The following SLC1A2 variants were observed in gnomAD, a reference collection of about 807,000 sequenced individuals.
SLC1A2 encodes excitatory amino acid transporter 2.
SLC1A2 carries 15 observed loss-of-function variants against 48.8 expected under a neutral mutation model. The observed-to-expected ratio is 0.31, with a 90% CI of 0.21 to 0.47. The LOEUF is 0.47. Among genes scored for constraint, SLC1A2 ranks in the 20% least tolerant of loss-of-function variants. The pLI, the probability that SLC1A2 is intolerant of heterozygous loss-of-function variation, is 0.99. For synonymous variants in SLC1A2, 279 were observed against 272.6 expected (o/e 1.02, Z -0.23); for missense variants, 502 against 730.5 (o/e 0.69, Z 3.61).
At chr11:35,355,031 A>G (rs1565269989) in intron 1 of SLC1A2, among the ~76,000 whole-genome samples, 1 of 152,248 alleles carries the variant, frequency 6.6e-6, no homozygotes, top group Non-Finnish European at 1.5e-5. Flanking sequence ...GGAAACTCCT[A>G]TAAATGATTA....
intron 9 of SLC1A2, among the ~76,000 whole-genome samples, chr11:35,273,889 C>T (rs1850361011): frequency 6.6e-6 from 1 of 152,082 alleles, no homozygotes; most frequent in Admixed American, 6.5e-5. Flanking sequence ...TAGATATTTT[C>T]GTGGTAAAAA....
chr11:35,322,862 C>T, intron 1 of SLC1A2: 1 of 651,082 alleles, frequency 1.5e-6, no homozygotes, highest in South Asian at 1.8e-5. Flanking sequence ...AAGAATGCCA[C>T]CCCTGCTTTA....
At chr11:35,359,066 T>G (rs749271545) in intron 1 of SLC1A2, among the ~76,000 whole-genome samples, 1 of 152,242 alleles carries the variant, frequency 6.6e-6, no homozygotes, top group Non-Finnish European at 1.5e-5. Flanking sequence ...TTACTTTAGA[T>G]CTTTGGACCC....
intron 1 of SLC1A2, among the ~76,000 whole-genome samples, chr11:35,326,120 T>C (rs1852242607): frequency 1.3e-5 from 2 of 152,072 alleles, no homozygotes; most frequent in South Asian, 4.2e-4. Context: ...CTCCCAGCAC[T>C]CTTGAGGGAA....
intron 1 of SLC1A2, among the ~76,000 whole-genome samples, chr11:35,405,637 AT>A (rs1341342832): frequency 6.6e-5 from 10 of 152,208 alleles, no homozygotes; most frequent in Non-Finnish European, 1.2e-4. Flanking sequence ...ATTTCATTGC[AT>A]TTTAAAAGAA....
intron 8 of SLC1A2, among the ~76,000 whole-genome samples, chr11:35,284,107 ATAT>A (rs1565213200): frequency 2.8e-5 from 4 of 144,294 alleles, no homozygotes; most frequent in African/African-American, 1.0e-4. Context: ...ATATATATAT[ATAT>A]AAATTATTAT....
At chr11:35,354,363 G>A (rs1440244524) in intron 1 of SLC1A2, among the ~76,000 whole-genome samples, 1 of 152,144 alleles carries the variant, frequency 6.6e-6, no homozygotes, top group Non-Finnish European at 1.5e-5. Context: ...GGAAGTCTGA[G>A]GTGGAGGGAT....
intron 2 of SLC1A2, chr11:35,317,092 T>C (rs1565238247): frequency 5.7e-6 from 2 of 347,868 alleles, no homozygotes; most frequent in Non-Finnish European, 1.1e-5. Context: ...TCATTTCAGG[T>C]GGCCCAAAGC....
intron 1 of SLC1A2, chr11:35,371,182 C>T (rs1248427976): frequency 1.9e-5 from 9 of 474,274 alleles, no homozygotes; most frequent in South Asian, 9.1e-5. Flanking sequence ...ACTGTTGAAA[C>T]TCTGAATGCA....
intron 8 of SLC1A2, among the ~76,000 whole-genome samples, chr11:35,283,702 A>G (rs1267946964): frequency 6.6e-6 from 1 of 152,124 alleles, no homozygotes; most frequent in East Asian, 1.9e-4. Context: ...TTGGCAAAAG[A>G]CTTGCTTAAG....
chr11:35,305,755 C>G (rs189679167), intron 5 of SLC1A2, among the ~76,000 whole-genome samples: 5 of 152,300 alleles, frequency 3.3e-5, no homozygotes, highest in African/African-American at 1.2e-4. Context: ...GGATGTGTCA[C>G]TTAATAACAC....
chr11:35,359,346 G>A (rs563642068), intron 1 of SLC1A2, among the ~76,000 whole-genome samples: 1 of 152,252 alleles, frequency 6.6e-6, no homozygotes, highest in African/African-American at 2.4e-5. Context: ...ATCCAATCAT[G>A]GATGATGATT....
intron 10 of SLC1A2, among the ~76,000 whole-genome samples, chr11:35,262,425 A>G (rs1950407897): frequency 6.6e-6 from 1 of 152,198 alleles, no homozygotes; most frequent in Non-Finnish European, 1.5e-5. Context: ...GGGCTAAAGA[A>G]AGCCAGGACT....
intron 1 of SLC1A2, among the ~76,000 whole-genome samples, chr11:35,323,868 G>A (rs10836373): frequency 0.21 from 31,686 of 152,146 alleles, 3,731 homozygotes; most frequent in East Asian, 0.31. Flanking sequence ...CAATTCAGAC[G>A]TGAGCATCTT....
intron 1 of SLC1A2, 180 bp downstream of exon 1, chr11:35,418,770 A>G (rs1855689375): frequency 1.7e-6 from 1 of 599,260 alleles, no homozygotes; most frequent in Non-Finnish European, 3.0e-6. Context: ...AGGATTAAGC[A>G]GCAATCTCCA....
chr11:35,413,226 T>C (rs946738463), intron 1 of SLC1A2, among the ~76,000 whole-genome samples: 3 of 152,200 alleles, frequency 2.0e-5, no homozygotes, highest in Non-Finnish European at 2.9e-5. Flanking sequence ...TGGCCATTCC[T>C]CAGCCCCAGT....
intron 1 of SLC1A2, among the ~76,000 whole-genome samples, chr11:35,325,932 C>A (rs1464400458): frequency 6.8e-6 from 1 of 147,628 alleles, no homozygotes; most frequent in Non-Finnish European, 1.5e-5. Flanking sequence ...CCATTGCACT[C>A]CAGCCTGGGC....
rs1565308113 is a variant in SLC1A2 at position 35,406,624 on chromosome 11, T to C, written c.17+12326A>G. ...AGGTAGAAATTAGTAAGCTTGTAGG[T>C]TGAGGCTGAAGGAAGAAAAAAAAGG... On this transcript the variant is annotated intron_variant, in intron 1 of 10. Transcript: ENST00000278379. 1.3e-5 allele frequency among the ~76,000 whole-genome samples: 2 copies of C among 151,066 alleles called. 1 individual carries two copies. Among genetic ancestry groups the C allele is most frequent in the South Asian group, 4.2e-4 (2 of 4,736 alleles).
intron 1 of SLC1A2, among the ~76,000 whole-genome samples, chr11:35,336,237 G>A (rs1453010477): frequency 6.6e-6 from 1 of 152,080 alleles, no homozygotes; most frequent in Non-Finnish European, 1.5e-5. Context: ...CTTAGGTGAT[G>A]GGTTGATAAG....
Sources: allele counts gnomAD v4.1 joint callset (sites outside exome capture counted in the v4.1 genomes callset), GRCh38; gene constraint gnomAD v4.1.1; transcripts MANE v1.5; gene names NCBI Gene and HGNC (gene_info 2026-07-23, HGNC 2026-07-21).